SH3BP4: variants seen among roughly 807,000 people sequenced by gnomAD.
SH3BP4 encodes the protein SH3 domain-binding protein 4.
A neutral mutation model predicts 65.5 loss-of-function variants in SH3BP4; 33 were observed. The observed-to-expected ratio is 0.50, with a 90% CI of 0.38 to 0.67. The LOEUF is 0.67. Among genes scored for constraint, SH3BP4 ranks in the 30% least tolerant of loss-of-function variants. The pLI, the probability that SH3BP4 is intolerant of heterozygous loss-of-function variation, is 0.00. For synonymous variants in SH3BP4, 552 were observed against 545.5 expected (o/e 1.01, Z -0.17); for missense variants, 1,134 against 1,261.4 (o/e 0.90, Z 1.53).
intron 1 of SH3BP4, among the ~76,000 whole-genome samples, chr2:234,994,070 C>G (rs537078692): frequency 1.3e-5 from 2 of 152,278 alleles, no homozygotes; most frequent in Non-Finnish European, 2.9e-5. Context: ...TTAGAAGGTC[C>G]GTGTCTACGT....
At chr2:234,972,573 A>G (rs936040260) in intron 1 of SH3BP4, among the ~76,000 whole-genome samples, 12 of 152,038 alleles carry the variant, frequency 7.9e-5, no homozygotes, top group Non-Finnish European at 1.6e-4. Flanking sequence ...AAAAAATACA[A>G]AAAATTAGCT....
At chr2:235,009,538 C>T (rs529320876) in intron 2 of SH3BP4, among the ~76,000 whole-genome samples, 3 of 152,212 alleles carry the variant, frequency 2.0e-5, no homozygotes, top group East Asian at 3.9e-4. Context: ...CTTGGCTTCT[C>T]TGTTGTGTCT....
chr2:235,050,139 G>A (rs201278684), intron 4 of SH3BP4, among the ~76,000 whole-genome samples: 14 of 151,524 alleles, frequency 9.2e-5, no homozygotes, highest in East Asian at 7.8e-4. Flanking sequence ...TTTTTGAGAC[G>A]GAGTCTCGCT....
rs145962934 is a variant in SH3BP4, at chr2:235,052,732, C to T, written c.2649C>T (p.Asn883=). 847 of 1,600,598 alleles carry T rather than the reference C, an allele frequency of 5.3e-4. 8 individuals are homozygous for T. The South Asian group carries it at 8.7e-3, about 16-fold the overall frequency. The change falls in exon 5 of 6, where the codon AAC becomes AAT. Residue 883 remains asparagine (N), a synonymous_variant. Coordinates refer to ENST00000392011, the MANE Select transcript of SH3BP4 (RefSeq NM_014521.3). This position sits in a 1 kb window ranked among gnomAD's most constrained non-coding sequence, Gnocchi z 5.0. ...DAYESPHRDR[N]GVVDSEAMWK... Reference sequence around the variant, plus strand: ...ACGAGTCTCCCCACCGGGACAGGAACGGGGTTGTGGACAGCGAGGTGAGCA... The same window carrying T: ...ACGAGTCTCCCCACCGGGACAGGAATGGGGTTGTGGACAGCGAGGTGAGCA...
At chr2:235,010,771 AG>A (rs1694458852) in intron 2 of SH3BP4, among the ~76,000 whole-genome samples, 1 of 43,766 alleles carries the variant, frequency 2.3e-5, no homozygotes, top group African/African-American at 4.2e-4. Flanking sequence ...CTCTCCTAGG[AG>A]AACCCTTCCT....
At chr2:234,989,558 A>G (rs528046132) in intron 1 of SH3BP4, among the ~76,000 whole-genome samples, 1 of 152,260 alleles carries the variant, frequency 6.6e-6, no homozygotes, top group African/African-American at 2.4e-5. Flanking sequence ...GGCTTGGCAC[A>G]CTTTTCTCTG....
In SH3BP4 at chr2:235,034,180, GCC is replaced by G. The variant is rs753766491; in HGVS notation, c.-132-690_-132-689del. Among the ~76,000 whole-genome samples, 1 of 152,122 alleles carries G rather than the reference GCC, an allele frequency of 6.6e-6. No homozygotes were observed. Among genetic ancestry groups the G allele is most frequent in the Non-Finnish European group, 1.5e-5 (1 of 68,022 alleles). On this transcript the variant is annotated intron_variant, in intron 2 of 5. Transcript: ENST00000392011. This position sits in a 1 kb window ranked among gnomAD's most constrained non-coding sequence, Gnocchi z 6.2. ...GCCCTTCCAGAAAAAAAAAGCAGAG[GCC>G]TTAGGGGTGATTCTTGTGGTCTCTT... is the stretch of plus-strand genomic sequence containing the variant.
rs1692490308 is a variant in SH3BP4 at position 234,952,344 on chromosome 2, G to A, written c.-207+174G>A. On this transcript the variant is annotated intron_variant, in intron 1 of 5. Transcript: ENST00000392011. The surrounding 1 kb of genome is among the most constrained non-coding windows in gnomAD (Gnocchi z 6.5). ...CTGCGCGGGTGCCTGGGCGTGGGGC[G>A]GCTTCGGGGAAGCCTCGCGCGCCCC... Among the ~76,000 whole-genome samples, 1 of 150,742 alleles carries A rather than the reference G, an allele frequency of 6.6e-6. No homozygotes were observed. The highest frequency in any genetic ancestry group is 1.5e-5 in the Non-Finnish European group (1 of 67,538).
intron 4 of SH3BP4, among the ~76,000 whole-genome samples, chr2:235,048,879 C>G (rs777627714): frequency 3.2e-4 from 49 of 152,204 alleles, no homozygotes; most frequent in Admixed American, 1.4e-3. Context: ...GGTAGTGCAG[C>G]AGTCCATCGA....
At position 235,040,911 on chromosome 2, in the gene SH3BP4, G is replaced by A. The variant is rs566330944; in HGVS notation, c.142G>A (p.Val48Ile). ...AGTGCCTTCTCCCAGTGCCTTGCTC[G>A]TAGACAACCCCACACCTTTCGGAAA... is the stretch of plus-strand genomic sequence containing the variant. ...IKVPSPSALL[V>I]DNPTPFGNAK... Residue 48 changes from valine to isoleucine, a missense_variant, in exon 4 of 6, where the codon GTA becomes ATA. Coordinates refer to ENST00000392011, the MANE Select transcript of SH3BP4 (RefSeq NM_014521.3). 14 of 1,611,940 alleles carry A rather than the reference G, an allele frequency of 8.7e-6. No individual in the cohort carries two copies. Among genetic ancestry groups the A allele is most frequent in the South Asian group, 3.3e-5 (3 of 91,058 alleles).
chr2:234,963,178 TAA>T (rs1354139013), intron 1 of SH3BP4, among the ~76,000 whole-genome samples: 17 of 152,374 alleles, frequency 1.1e-4, no homozygotes, highest in African/African-American at 4.1e-4. Flanking sequence ...CCTGTTTGTT[TAA>T]TAAGTGTTTG....
At chr2:234,988,295 A>G (rs557663502) in intron 1 of SH3BP4, among the ~76,000 whole-genome samples, 50 of 152,158 alleles carry the variant, frequency 3.3e-4, no homozygotes, top group African/African-American at 5.1e-4. Context: ...TCCTGACCTC[A>G]TGATCTGCCC....
rs143188321 is a variant in SH3BP4, at chr2:235,023,706, A to C, written c.-132-11165A>C. On this transcript the variant is annotated intron_variant, in intron 2 of 5. Transcript: ENST00000392011. ...AAAGTTAGCATTCAGTGTGGAATTT[A>C]CTCTTCTTTTTCTATAAAAGGTATT... Among the ~76,000 whole-genome samples, 383 of 152,266 alleles carry C rather than the reference A, an allele frequency of 2.5e-3. 2 individuals carry two copies. The highest frequency in any genetic ancestry group is 8.8e-3 in the African/African-American group (367 of 41,542).
chr2:234,989,953 T>C (rs964787168), intron 1 of SH3BP4, among the ~76,000 whole-genome samples: 3 of 152,198 alleles, frequency 2.0e-5, no homozygotes, highest in African/African-American at 7.2e-5. Context: ...ACCAACGTGA[T>C]GCCACAAGTG....
chr2:234,963,403 T>C (rs1005995720), intron 1 of SH3BP4, among the ~76,000 whole-genome samples: 1 of 152,102 alleles, frequency 6.6e-6, no homozygotes, highest in African/African-American at 2.4e-5. Context: ...GGAGTGACGT[T>C]GGGAAGAGTT....
At chr2:235,004,119 A>G (rs998628896) in intron 2 of SH3BP4, among the ~76,000 whole-genome samples, 1 of 152,184 alleles carries the variant, frequency 6.6e-6, no homozygotes, top group Non-Finnish European at 1.5e-5. Context: ...CTAACTAAAC[A>G]TAGGTTTTCT....
At chr2:235,023,372 C>T (rs1180046518) in intron 2 of SH3BP4, among the ~76,000 whole-genome samples, 1 of 152,090 alleles carries the variant, frequency 6.6e-6, no homozygotes, top group Non-Finnish European at 1.5e-5. Context: ...CATAGTGAAA[C>T]CCTGTCTGTA....
chr2:235,047,142 A>G (rs1188087240), intron 4 of SH3BP4, among the ~76,000 whole-genome samples: 1 of 152,250 alleles, frequency 6.6e-6, no homozygotes, highest in Non-Finnish European at 1.5e-5. Context: ...AGCCAAAAAC[A>G]GACACTTCAA....
chr2:235,037,067 C>T (rs932272838), intron 3 of SH3BP4, among the ~76,000 whole-genome samples: 5 of 152,152 alleles, frequency 3.3e-5, no homozygotes, highest in African/African-American at 1.2e-4. Context: ...TGCCATGAAA[C>T]CTTCTACTCT....
Sources: allele counts gnomAD v4.1 joint callset (sites outside exome capture counted in the v4.1 genomes callset), GRCh38; gene constraint gnomAD v4.1.1; non-coding constraint Gnocchi (gnomAD v3.1); transcripts MANE v1.5; gene names NCBI Gene and HGNC (gene_info 2026-07-23, HGNC 2026-07-21).